The following ROS1 variants were observed in gnomAD, a reference collection of about 807,000 sequenced individuals.
ROS1 encodes the protein proto-oncogene tyrosine-protein kinase ROS.
ROS1 carries 263 observed loss-of-function variants against 273.5 expected under a neutral mutation model. The observed-to-expected ratio is 0.96, with a 90% CI of 0.87 to 1.06. The LOEUF (loss-of-function observed/expected upper bound fraction) is 1.06. ROS1 is among the 50% of genes least tolerant of loss of function. The probability of loss-of-function intolerance (pLI) is 0.00; values close to 1 mark genes in which losing one functional copy is unlikely to be tolerated. For missense variants in ROS1, 2,833 were observed against 2,751.1 expected, an observed-to-expected ratio of 1.03 and a Z score of -0.67; for synonymous variants, 1,008 against 954.1, an observed-to-expected ratio of 1.06 and a Z score of -1.04.
In ROS1 at chr6:117,349,714, C is replaced by T. The variant is rs541586849; in HGVS notation, c.4303+3276G>A. On this transcript the variant is annotated intron_variant, in intron 27 of 43. Coordinates refer to ENST00000368507, the MANE Select transcript of ROS1 (RefSeq NM_001378902.1). ...AGCATTCTAAATGATTCTATTTACT[C>T]TCCTTTCTTGGGAATCAGTTATACT... is the stretch of plus-strand genomic sequence containing the variant. Among the ~76,000 whole-genome samples, 43 of 151,990 alleles carry T rather than the reference C, an allele frequency of 2.8e-4. No homozygotes were observed. In the South Asian group the frequency reaches 8.7e-3, roughly 31 times the overall value.
intron 17 of ROS1, among the ~76,000 whole-genome samples, chr6:117,380,817 T>C (rs1013564565): frequency 2.6e-5 from 4 of 152,146 alleles, no homozygotes; most frequent in African/African-American, 4.8e-5. Flanking sequence ...AAATGTACCA[T>C]ATGCTGTGAG....
At chr6:117,297,308 G>A (rs1774319806) in intron 43 of ROS1, among the ~76,000 whole-genome samples, 1 of 152,216 alleles carries the variant, frequency 6.6e-6, no homozygotes, top group Non-Finnish European at 1.5e-5. Context: ...ATTGATCTAG[G>A]CAAATAATTC....
In ROS1 at chr6:117,389,447, C is replaced by A; in HGVS notation, c.1689G>T (p.Leu563=). 1 of 1,614,174 alleles carries A rather than the reference C, an allele frequency of 6.2e-7. No homozygotes were observed. Among genetic ancestry groups the A allele is most frequent in the Non-Finnish European group, 8.5e-7 (1 of 1,180,022 alleles). Residue 563 remains leucine (L), a synonymous_variant, in exon 13 of 44, where the codon CTG becomes CTT. Coordinates refer to ENST00000368507, the MANE Select transcript of ROS1 (RefSeq NM_001378902.1). ...NLVIFGSSSQ[L]HPLPGRPQEL... is the part of the protein sequence containing the mutation. Reference sequence around the variant, plus strand: ...CCTGCGGGCGGCCTGGCAGAGGGTGCAGCTGGGAGGATGAGCCAAAGATGA... The same window carrying A: ...CCTGCGGGCGGCCTGGCAGAGGGTGAAGCTGGGAGGATGAGCCAAAGATGA...
At chr6:117,354,961 T>C (rs1263178294) in intron 26 of ROS1, among the ~76,000 whole-genome samples, 2 of 152,282 alleles carry the variant, frequency 1.3e-5, no homozygotes, top group African/African-American at 4.8e-5. Flanking sequence ...GATAGAGCAA[T>C]CCTTATTAAA....
chr6:117,385,994 T>C, intron 15 of ROS1, 133 bp from the exon 16 acceptor site: 2 of 694,712 alleles, frequency 2.9e-6, no homozygotes, highest in South Asian at 3.8e-5. Context: ...GAACTTGATC[T>C]GTCAAGAATA....
chr6:117,316,673 A>G (rs1295340290), intron 39 of ROS1, among the ~76,000 whole-genome samples: 1 of 151,770 alleles, frequency 6.6e-6, no homozygotes, highest in Non-Finnish European at 1.5e-5. Context: ...GTGGAGTAGG[A>G]GAGGACGTAC....
Position 117,362,873 on chromosome 6 carries a change from G to C in ROS1, c.3104-8C>G. The C allele has an allele frequency of 6.2e-7, 1 of 1,604,348 alleles. No individual in the cohort carries two copies. The highest frequency in any genetic ancestry group is 8.5e-7 in the Non-Finnish European group (1 of 1,175,216). On this transcript the variant is annotated splice_region_variant and splice_polypyrimidine_tract_variant and intron_variant, in intron 21 of 43. Transcript: ENST00000368507. ...TCTCTGGTGCTGATGGAACTGAAAA[G>C]TAGAGGCACAGGTAGAGCAGAAAAG...
At position 117,288,223 on chromosome 6, in the gene ROS1, G is replaced by A. The variant is rs889831749; in HGVS notation, c.*269C>T. On this transcript the variant is annotated 3_prime_UTR_variant, in exon 44 of 44. Coordinates refer to ENST00000368507, the MANE Select transcript of ROS1 (RefSeq NM_001378902.1). ...GCACCTCAAGGGAGAAGGGAGAGCA[G>A]TGTTTCCCTTCCAGACTTCTGAGTC... The A allele has an allele frequency of 7.0e-5, 33 of 469,826 alleles. No individual in the cohort carries two copies. In the South Asian group the frequency reaches 8.8e-4, roughly 13 times the overall value. The allele number at this position is 469,826 out of a possible 1,614,324, so 29.1% of individuals were successfully genotyped here.
intron 23 of ROS1, 60 bp from the exon 24 acceptor site, chr6:117,360,071 G>T: frequency 7.2e-7 from 1 of 1,382,180 alleles, no homozygotes; most frequent in Non-Finnish European, 1.0e-6. Context: ...GCTTAGCAAA[G>T]TCTCGATTTA....
At chr6:117,341,686 G>A in intron 29 of ROS1, 54 bp from the exon 30 acceptor site, 1 of 1,358,732 alleles carries the variant, frequency 7.4e-7, no homozygotes, top group Non-Finnish European at 1.0e-6. Context: ...CTGAAAGATG[G>A]AAAGAAGTAA....
intron 40 of ROS1, among the ~76,000 whole-genome samples, chr6:117,310,721 T>C (rs1195236348): frequency 6.6e-6 from 1 of 152,188 alleles, no homozygotes; most frequent in East Asian, 1.9e-4. Flanking sequence ...CATGAACTCA[T>C]TCTTTTTTAT....
At chr6:117,415,136 C>T (rs1775243197) in intron 3 of ROS1, among the ~76,000 whole-genome samples, 1 of 152,218 alleles carries the variant, frequency 6.6e-6, no homozygotes, top group South Asian at 2.1e-4. Context: ...ATACTAAACA[C>T]ACAACTAGAC....
intron 7 of ROS1, among the ~76,000 whole-genome samples, chr6:117,398,002 C>T (rs1773635658): frequency 1.3e-5 from 2 of 152,172 alleles, no homozygotes; most frequent in South Asian, 2.1e-4. Flanking sequence ...CTTTTAATTG[C>T]TCTCTCAGCC....
intron 39 of ROS1, among the ~76,000 whole-genome samples, chr6:117,313,261 C>T (rs1473126081): frequency 1.3e-5 from 2 of 152,084 alleles, no homozygotes; most frequent in Non-Finnish European, 2.9e-5. Context: ...TATCTTAATA[C>T]AATCCTTTTA....
chr6:117,409,559 A>C (rs1774727810), intron 5 of ROS1, 23 bp downstream of exon 5: 1 of 1,597,606 alleles, frequency 6.3e-7, no homozygotes, highest in Non-Finnish European at 8.6e-7. Context: ...CCTATTTTTT[A>C]AAAGTCGTGT....
intron 32 of ROS1, among the ~76,000 whole-genome samples, chr6:117,333,736 A>G (rs1165675319): frequency 6.6e-6 from 1 of 152,224 alleles, no homozygotes; most frequent in Non-Finnish European, 1.5e-5. Flanking sequence ...AAAGACAAAA[A>G]TCACACGATT....
In ROS1 at chr6:117,383,500, C is replaced by T; in HGVS notation, c.2298G>A (p.Arg766=). Residue 766 remains arginine, a synonymous_variant, in exon 17 of 44, where the codon AGG becomes AGA. Coordinates refer to ENST00000368507, the MANE Select transcript of ROS1 (RefSeq NM_001378902.1). The part of the protein sequence containing the change: ...YWAGKTYVIQ[R]QSVLTGHTDI... ...CTGTGTGTCCCGTCAACACAGACTG[C>T]CTTTGTATCTAAAAAACATAATTGT... 1 of 1,612,872 alleles carries T rather than the reference C, an allele frequency of 6.2e-7. No homozygotes were observed. Among genetic ancestry groups the T allele is most frequent in the Non-Finnish European group, 8.5e-7 (1 of 1,178,972 alleles).
chr6:117,400,969 C>A (rs1485799797), intron 7 of ROS1, among the ~76,000 whole-genome samples: 1 of 152,256 alleles, frequency 6.6e-6, no homozygotes, highest in East Asian at 1.9e-4. Context: ...TTTGCTTGGC[C>A]AAAACAGAAC....
chr6:117,352,961 C>A (rs1298676326), intron 27 of ROS1, 29 bp downstream of exon 27: 2 of 1,601,312 alleles, frequency 1.2e-6, no homozygotes. Flanking sequence ...ATTGGGAGAA[C>A]AAGCTGATTA....
Sources: allele counts gnomAD v4.1 joint callset (sites outside exome capture counted in the v4.1 genomes callset), GRCh38; gene constraint gnomAD v4.1.1; transcripts MANE v1.5; gene names NCBI Gene and HGNC (gene_info 2026-07-23, HGNC 2026-07-21).